The following CD84 variants were observed in gnomAD, a reference collection of about 807,000 sequenced individuals.
CD84 encodes SLAM family member 5.
CD84 carries 22 observed loss-of-function variants against 33.8 expected under a neutral mutation model. That is an observed-to-expected ratio of 0.65 (90% CI 0.46 to 0.93). CD84 has a LOEUF of 0.93. CD84 is among the 40% of genes least tolerant of loss of function. The pLI, the probability that CD84 is intolerant of heterozygous loss-of-function variation, is 0.00. For synonymous variants in CD84, 154 were observed against 145.2 expected (o/e 1.06, Z -0.44); for missense variants, 400 against 397.6 (o/e 1.01, Z -0.05).
At chr1:160,552,490 A>G (rs989947302) in intron 4 of CD84, among the ~76,000 whole-genome samples, 2 of 152,240 alleles carry the variant, frequency 1.3e-5, no homozygotes, top group African/African-American at 4.8e-5. Context: ...AATCTACTTA[A>G]TAAGTATATA....
At chr1:160,558,523 G>A (rs1656754276) in intron 2 of CD84, among the ~76,000 whole-genome samples, 2 of 152,250 alleles carry the variant, frequency 1.3e-5, no homozygotes, top group Middle Eastern at 6.8e-3. Context: ...AGCCCACAAA[G>A]ATAATAAAGA....
chr1:160,575,286 T>C (rs1001739326), intron 1 of CD84, among the ~76,000 whole-genome samples: 11 of 151,898 alleles, frequency 7.2e-5, no homozygotes, highest in African/African-American at 2.7e-4. Context: ...TCACACTGAG[T>C]GAAGGGACAT....
intron 2 of CD84, among the ~76,000 whole-genome samples, chr1:160,556,911 C>T (rs910188000): frequency 3.3e-5 from 5 of 152,112 alleles, no homozygotes; most frequent in African/African-American, 7.2e-5. Context: ...CTAAAGTTCT[C>T]GAATGAGTTA....
At chr1:160,577,939 C>T (rs1571395284) in intron 1 of CD84, among the ~76,000 whole-genome samples, 1 of 152,030 alleles carries the variant, frequency 6.6e-6, no homozygotes, top group African/African-American at 2.4e-5. Flanking sequence ...GAAGTGTATC[C>T]TAGAGCTACC....
Position 160,543,123 on chromosome 1 carries a change from T to A in CD84, c.*5133A>T, listed in dbSNP as rs1005816365. ...CCAACCTTCTTTAATTAAATGGGCA[T>A]TTTCAGCAGGAAAGTTGAGTGGTTA... On this transcript the variant is annotated 3_prime_UTR_variant, in exon 7 of 7. Coordinates refer to ENST00000368054, the MANE Select transcript of CD84 (RefSeq NM_003874.4). 1 of 152,188 alleles carries A rather than the reference T, an allele frequency of 6.6e-6. No individual in the cohort carries two copies. The allele number at this position is 152,188 out of a possible 1,614,324, so 9.4% of individuals were successfully genotyped here. A position where few individuals can be genotyped will look rare whatever the true frequency, so the allele number is the denominator to read the frequency against.
chr1:160,566,558 G>A (rs1391748974), intron 1 of CD84, among the ~76,000 whole-genome samples: 1 of 152,108 alleles, frequency 6.6e-6, no homozygotes, highest in African/African-American at 2.4e-5. Context: ...AGTGTTTGTT[G>A]GACATCTACT....
intron 4 of CD84, 70 bp from the exon 5 acceptor site, chr1:160,551,105 G>T: frequency 8.8e-7 from 1 of 1,130,942 alleles, no homozygotes; most frequent in Non-Finnish European, 1.3e-6. Flanking sequence ...CTATTCCAAT[G>T]TTCTCTTTTT....
chr1:160,552,609 C>T (rs367566543), intron 4 of CD84: 2 of 806,970 alleles, frequency 2.5e-6, no homozygotes, highest in African/African-American at 3.4e-5. Context: ...CACGCCTAGA[C>T]TGACTGCAAA....
rs771462613 is a variant in CD84, at chr1:160,565,712, A to G, written c.80T>C (p.Phe27Ser). The G allele has an allele frequency of 3.1e-6, 5 of 1,612,182 alleles. No individual in the cohort carries two copies. In the South Asian group the frequency reaches 5.5e-5, roughly 18 times the overall value. Residue 27 changes from phenylalanine to serine, a missense_variant, in exon 2 of 7, where the codon TTC becomes TCC. Phe to Ser is a radical substitution (Grantham distance 155, BLOSUM62 -2). Coordinates refer to ENST00000368054, the MANE Select transcript of CD84 (RefSeq NM_003874.4). ...CTCTCCCAGAATCCCATTCACTGTGAAGATTTCTGAGTCTTTTCCAGCTGC... is the reference window on the plus strand; with the variant it reads ...CTCTCCCAGAATCCCATTCACTGTGGAGATTTCTGAGTCTTTTCCAGCTGC... ...PEAAGKDSEI[F>S]TVNGILGESV...
intron 1 of CD84, among the ~76,000 whole-genome samples, 180 bp downstream of exon 1, chr1:160,579,212 A>G (rs1477506253): frequency 6.6e-6 from 1 of 152,050 alleles, no homozygotes; most frequent in Non-Finnish European, 1.5e-5. Context: ...GAACCTAAAC[A>G]CTTAGGTTTG....
chr1:160,579,054 T>C (rs770238741), intron 1 of CD84, among the ~76,000 whole-genome samples: 3 of 152,162 alleles, frequency 2.0e-5, no homozygotes, highest in Admixed American at 6.6e-5. Flanking sequence ...TGTAAGTCAT[T>C]CAAGCTTTTA....
At position 160,546,071 on chromosome 1, in the gene CD84, C is replaced by G. The variant is rs568668192; in HGVS notation, c.*2185G>C. On this transcript the variant is annotated 3_prime_UTR_variant, in exon 7 of 7. Transcript: ENST00000368054. ...TGGTGTGATCTCAGCTCACTGCAAC[C>G]TCCACTTCCTGGGTTCAAGCGATTC... The G allele has an allele frequency of 6.6e-6, 1 of 151,380 alleles. No homozygotes were observed. The highest frequency in any genetic ancestry group is 1.5e-5 in the Non-Finnish European group (1 of 68,036). The allele number at this position is 151,380 out of a possible 1,614,324, so 9.4% of individuals were successfully genotyped here.
At chr1:160,571,814 G>T (rs566662610) in intron 1 of CD84, among the ~76,000 whole-genome samples, 3 of 152,116 alleles carry the variant, frequency 2.0e-5, no homozygotes, top group Non-Finnish European at 4.4e-5. Flanking sequence ...TCATCAATCT[G>T]CGTGTCTGTG....
chr1:160,572,042 AT>A (rs753528753), intron 1 of CD84, among the ~76,000 whole-genome samples: 1 of 152,208 alleles, frequency 6.6e-6, no homozygotes, highest in Non-Finnish European at 1.5e-5. Context: ...GTATTTTGAG[AT>A]GTTATTAAAG....
At chr1:160,578,122 A>T (rs752243930) in intron 1 of CD84, among the ~76,000 whole-genome samples, 3 of 152,192 alleles carry the variant, frequency 2.0e-5, no homozygotes, top group Non-Finnish European at 4.4e-5. Flanking sequence ...ATTTCAGGTG[A>T]ATTTTTAAAC....
At chr1:160,578,088 A>T (rs1658079906) in intron 1 of CD84, among the ~76,000 whole-genome samples, 1 of 152,206 alleles carries the variant, frequency 6.6e-6, no homozygotes, top group Non-Finnish European at 1.5e-5. Context: ...GTCTATTTCC[A>T]GCTCTACCAA....
In CD84 at chr1:160,553,423, T is replaced by G; in HGVS notation, c.715A>C (p.Ile239Leu). The G allele has an allele frequency of 6.2e-7, 1 of 1,613,996 alleles. No individual in the cohort carries two copies. The highest frequency in any genetic ancestry group is 8.5e-7 in the Non-Finnish European group (1 of 1,179,990). ...VLAMFFLLVL[I>L]LSSVFLFRLF... ...CGGAACAAAAACACTGAAGACAGAA[T>G]GAGAACAAGCAGAAAGAACATAGCC... is the stretch of plus-strand genomic sequence containing the variant. Residue 239 changes from isoleucine to leucine, a missense_variant, in exon 4 of 7, where the codon ATT (isoleucine) becomes CTT (leucine). Coordinates refer to ENST00000368054, the MANE Select transcript of CD84 (RefSeq NM_003874.4).
At chr1:160,572,003 G>A (rs529732812) in intron 1 of CD84, among the ~76,000 whole-genome samples, 2 of 151,838 alleles carry the variant, frequency 1.3e-5, no homozygotes, top group South Asian at 2.1e-4. Context: ...GTGGAAAGGG[G>A]AAAGGAAAGG....
At chr1:160,576,919 C>T (rs2369722) in intron 1 of CD84, among the ~76,000 whole-genome samples, 1 of 151,966 alleles carries the variant, frequency 6.6e-6, no homozygotes, top group African/African-American at 2.4e-5. Flanking sequence ...AATAGAAATA[C>T]GAATGGGGCA....
Sources: gnomAD v4.1 joint callset for allele counts (sites outside exome capture counted in the v4.1 genomes callset) on GRCh38, gnomAD v4.1.1 for gene constraint, MANE v1.5 for transcripts, NCBI Gene and HGNC (gene_info 2026-07-23, HGNC 2026-07-21) for gene names.